Variants in HELZ observed in about 807,000 individuals in gnomAD.
HELZ encodes the protein helicase with zinc finger, also known as ATP-dependent RNA helicase with zinc finger domain.
In HELZ, 23 loss-of-function variants were observed where a neutral mutation model predicts 218.2. The ratio of observed to expected loss-of-function variants is 0.11; its 90% CI spans 0.08 to 0.15. The LOEUF is 0.15. Among genes scored for constraint, HELZ ranks in the 10% least tolerant of loss-of-function variants. The pLI is 1.00. For synonymous variants in HELZ, 814 were observed against 829.4 expected, an observed-to-expected ratio of 0.98 and a Z score of 0.32; for missense variants, 1,813 against 2,353.7, an observed-to-expected ratio of 0.77 and a Z score of 4.75.
intron 15 of HELZ, among the ~76,000 whole-genome samples, chr17:67,164,700 T>C (rs1390117681): frequency 1.3e-5 from 2 of 152,098 alleles, no homozygotes; most frequent in Non-Finnish European, 2.9e-5. Flanking sequence ...TAATTCAACA[T>C]TGCTAAAACA....
In HELZ at chr17:67,086,941, A is replaced by C; in HGVS notation, c.5382T>G (p.Ser1794=). ...ACTCCGGGGATGAAAAGTTGAAAGA[A>C]GATTGGTTACTGTGGTCCTGAAGCT... is the stretch of plus-strand genomic sequence containing the variant. The part of the protein sequence containing the change: ...CKELQDHSNQ[S]SFNFSSPESW... The change falls in exon 32 of 33, where the codon TCT becomes TCG. Residue 1794 remains serine, a synonymous_variant. Transcript: ENST00000358691. 1 of 1,613,892 alleles carries C rather than the reference A, an allele frequency of 6.2e-7. No individual in the cohort carries two copies. The highest frequency in any genetic ancestry group is 8.5e-7 in the Non-Finnish European group (1 of 1,180,006).
intron 15 of HELZ, among the ~76,000 whole-genome samples, chr17:67,163,304 C>CT (rs1228782997): frequency 3.3e-5 from 5 of 152,168 alleles, no homozygotes; most frequent in Admixed American, 3.3e-4. Flanking sequence ...CTTTAATGAA[C>CT]TTAAGAATGA....
chr17:67,141,817 G>T (rs1465829890), intron 21 of HELZ, among the ~76,000 whole-genome samples: 3 of 152,164 alleles, frequency 2.0e-5, no homozygotes, highest in African/African-American at 4.8e-5. Flanking sequence ...GGCCAAGGTG[G>T]GTGGATCACT....
chr17:67,175,396 AT>A (rs2039427250), intron 13 of HELZ, among the ~76,000 whole-genome samples: 2 of 152,322 alleles, frequency 1.3e-5, no homozygotes, highest in East Asian at 3.9e-4. Context: ...TATCTTAGTT[AT>A]TTTATTTATA....
At chr17:67,229,961 G>A (rs2040992570) in intron 3 of HELZ, among the ~76,000 whole-genome samples, 1 of 152,224 alleles carries the variant, frequency 6.6e-6, no homozygotes, top group Admixed American at 6.5e-5. Flanking sequence ...TTTTCATAAA[G>A]AGGTAAATTC....
At chr17:67,140,813 A>T (rs1238519800) in intron 21 of HELZ, among the ~76,000 whole-genome samples, 1 of 152,218 alleles carries the variant, frequency 6.6e-6, no homozygotes, top group Non-Finnish European at 1.5e-5. Flanking sequence ...ACAAAAATAA[A>T]ATCTTGAAAA....
rs770863073 is a variant in HELZ at position 67,108,556 on chromosome 17, G to T, written c.4660C>A (p.Pro1554Thr). Residue 1554 changes from proline to threonine, a missense_variant, in exon 30 of 33, where the codon CCA (proline) becomes ACA (threonine). Around this residue, in one of 4 missense-constraint regions of HELZ, gnomAD observed 938 missense variants for 1,027.5 expected, o/e 0.91. Transcript: ENST00000358691. The surrounding 1 kb of genome is among the most constrained non-coding windows in gnomAD (Gnocchi z 4.1). ...GTGAGCTTCCAGTCTGCCCTCACTG[G>T]CGGCTGATGTAATCCCAGGGGCGGC... ...PQPPLGLHQPPVRADWKLTSS... is the reference protein window; with the variant it reads ...PQPPLGLHQPTVRADWKLTSS... The T allele has an allele frequency of 3.1e-6, 5 of 1,614,016 alleles. No homozygotes were observed. Among genetic ancestry groups the T allele is most frequent in the East Asian group, 4.5e-5 (2 of 44,870 alleles).
In HELZ at chr17:67,120,401, T is replaced by C; in HGVS notation, c.3838+4A>G. 1 of 1,612,618 alleles carries C rather than the reference T, an allele frequency of 6.2e-7. No homozygotes were observed. On this transcript the variant is annotated splice_donor_region_variant and intron_variant, in intron 27 of 32. Transcript: ENST00000358691. ...GAACAGGAGAACAGCGAAGTACAAC[T>C]TACCATTTCGATTTTGCTCATGTTG...
At chr17:67,144,040 A>G (rs556458531) in intron 21 of HELZ, among the ~76,000 whole-genome samples, 2 of 152,256 alleles carry the variant, frequency 1.3e-5, no homozygotes, top group South Asian at 4.1e-4. Context: ...AATCTTTATA[A>G]AAGATATCAT....
chr17:67,118,556 T>A (rs1477271822), intron 27 of HELZ, among the ~76,000 whole-genome samples: 2 of 151,458 alleles, frequency 1.3e-5, no homozygotes, highest in Non-Finnish European at 2.9e-5. Context: ...AAAGATACTG[T>A]TAAGAAAATG....
chr17:67,178,667 T>C lies in HELZ; in HGVS notation c.1422A>G (p.Glu474=), dbSNP rs777527961. The C allele has an allele frequency of 6.2e-7, 1 of 1,603,340 alleles. No homozygotes were observed. Among genetic ancestry groups the C allele is most frequent in the Admixed American group, 1.7e-5 (1 of 57,914 alleles). The stretch of plus-strand genomic sequence containing the variant: ...TTTCTAAAGTAACTTACTTGCTGAT[T>C]TCTTTATACTGGGCTATCTCCTCAA... The part of the protein sequence containing the change: ...LYIEEIAQYK[E]ISKFNLKVQL... The change falls in exon 13 of 33, where the codon GAA becomes GAG. Residue 474 remains glutamate, a synonymous_variant. Coordinates refer to ENST00000358691, the MANE Select transcript of HELZ (RefSeq NM_014877.4).
intron 7 of HELZ, among the ~76,000 whole-genome samples, chr17:67,200,105 T>C (rs1165108284): frequency 3.9e-5 from 6 of 152,204 alleles, no homozygotes. Flanking sequence ...GCAACAAGCA[T>C]AGTACCTAGC....
chr17:67,222,164 C>G (rs2040764862), intron 3 of HELZ, among the ~76,000 whole-genome samples: 1 of 152,130 alleles, frequency 6.6e-6, no homozygotes, highest in Non-Finnish European at 1.5e-5. Context: ...AATCACTTTA[C>G]TGATCTCAAC....
At chr17:67,174,832 TA>T (rs2039409866) in intron 13 of HELZ, among the ~76,000 whole-genome samples, 1 of 152,080 alleles carries the variant, frequency 6.6e-6, no homozygotes, top group African/African-American at 2.4e-5. Context: ...ATATTCTGCT[TA>T]AACTGTCAAA....
intron 15 of HELZ, among the ~76,000 whole-genome samples, chr17:67,165,355 C>T (rs1319048202): frequency 6.6e-6 from 1 of 152,126 alleles, no homozygotes. Context: ...TATACCACTC[C>T]TAGGCCTGGC....
intron 32 of HELZ, among the ~76,000 whole-genome samples, chr17:67,083,412 C>T (rs539429937): frequency 1.3e-5 from 2 of 152,208 alleles, no homozygotes; most frequent in South Asian, 4.1e-4. Flanking sequence ...GAGGCTGAGG[C>T]GGACAGATCA....
At chr17:67,204,524 G>C (rs929012596) in intron 5 of HELZ, among the ~76,000 whole-genome samples, 2 of 151,916 alleles carry the variant, frequency 1.3e-5, no homozygotes, top group South Asian at 4.2e-4. Flanking sequence ...CTTATTATTG[G>C]CTATATAATG....
Position 67,188,011 on chromosome 17 carries a change from A to G in HELZ, c.1162+308T>C, listed in dbSNP as rs1301494873. Among the ~76,000 whole-genome samples the G allele has an allele frequency of 6.6e-6, 1 of 152,194 alleles. No homozygotes were observed. Among genetic ancestry groups the G allele is most frequent in the Non-Finnish European group, 1.5e-5 (1 of 68,022 alleles). ...GATATTCTACCCAAACTAATATTGA[A>G]AGATATTACTGTGCTAAAACCATCT... On this transcript the variant is annotated intron_variant, in intron 12 of 32. Coordinates refer to ENST00000358691, the MANE Select transcript of HELZ (RefSeq NM_014877.4). This position sits in a 1 kb window ranked among gnomAD's most constrained non-coding sequence, Gnocchi z 4.1.
At chr17:67,130,625 A>T (rs1213462212) in intron 23 of HELZ, among the ~76,000 whole-genome samples, 1 of 152,166 alleles carries the variant, frequency 6.6e-6, no homozygotes, top group Non-Finnish European at 1.5e-5. Flanking sequence ...ACATGAGAAA[A>T]TATAGGGAAG....
Sources: allele counts gnomAD v4.1 joint callset (sites outside exome capture counted in the v4.1 genomes callset), GRCh38; gene constraint gnomAD v4.1.1; regional missense constraint gnomAD v4.1.1; non-coding constraint Gnocchi (gnomAD v3.1); transcripts MANE v1.5; gene names NCBI Gene and HGNC (gene_info 2026-07-23, HGNC 2026-07-21).